AFF3: variants seen among roughly 807,000 people sequenced by gnomAD.
AFF3 encodes the protein ALF transcription elongation factor 3.
A neutral mutation model predicts 129.7 loss-of-function variants in AFF3; 32 were observed. The observed-to-expected ratio is 0.25, with a 90% CI of 0.19 to 0.33. AFF3 has a LOEUF of 0.33. AFF3 is among the 10% of genes least tolerant of loss of function. The pLI is 1.00. For missense variants in AFF3, 1,373 were observed against 1,592.0 expected (o/e 0.86, Z 2.34); for synonymous variants, 644 against 635.4 (o/e 1.01, Z -0.20).
intron 19 of AFF3, 39 bp downstream of exon 19, chr2:99,568,813 T>A (rs748394423): frequency 2.8e-5 from 45 of 1,594,124 alleles, no homozygotes; most frequent in Non-Finnish European, 3.7e-5. Context: ...AGTACACACA[T>A]AATTTGGAAG....
intron 12 of AFF3, among the ~76,000 whole-genome samples, chr2:99,668,192 G>A (rs1324407068): frequency 2.6e-5 from 4 of 151,784 alleles, no homozygotes; most frequent in African/African-American, 9.7e-5. Flanking sequence ...TTTTCTCCCC[G>A]AGATGGAGTC....
intron 7 of AFF3, among the ~76,000 whole-genome samples, chr2:99,889,853 T>G (rs947936211): frequency 1.3e-5 from 2 of 151,968 alleles, no homozygotes; most frequent in Non-Finnish European, 2.9e-5. Flanking sequence ...AGAGATGGGG[T>G]TTCTCCATGT....
At chr2:99,652,195 G>A (rs905748106) in intron 12 of AFF3, among the ~76,000 whole-genome samples, 3 of 152,174 alleles carry the variant, frequency 2.0e-5, no homozygotes, top group Non-Finnish European at 2.9e-5. Context: ...ATGTGGTCAG[G>A]AGAGAGAAGG....
chr2:99,612,752 G>A (rs6722898), intron 13 of AFF3, among the ~76,000 whole-genome samples: 82,759 of 152,052 alleles, frequency 0.54, 22,754 homozygotes, highest in African/African-American at 0.62. Context: ...GCTGGTGCAC[G>A]GCACACCTGT....
At chr2:99,721,289 C>T (rs192093944) in intron 11 of AFF3, among the ~76,000 whole-genome samples, 56 of 152,138 alleles carry the variant, frequency 3.7e-4, no homozygotes, top group Admixed American at 3.1e-3. Flanking sequence ...CCAGCACTTT[C>T]GGAGGCCAAG....
intron 7 of AFF3, among the ~76,000 whole-genome samples, chr2:99,902,348 C>T (rs900573390): frequency 1.3e-5 from 2 of 151,926 alleles, no homozygotes; most frequent in Non-Finnish European, 2.9e-5. Flanking sequence ...AACCAATGAG[C>T]GATAAACTCT....
intron 13 of AFF3, among the ~76,000 whole-genome samples, chr2:99,602,432 T>C (rs1679928083): frequency 6.6e-6 from 1 of 152,172 alleles, no homozygotes; most frequent in Non-Finnish European, 1.5e-5. Flanking sequence ...TACTCAAAGA[T>C]AACAAGAAAA....
chr2:100,066,251 G>A (rs993213689), intron 4 of AFF3, among the ~76,000 whole-genome samples: 1 of 152,134 alleles, frequency 6.6e-6, no homozygotes, highest in Non-Finnish European at 1.5e-5. Flanking sequence ...TGTTTACTTT[G>A]GAGCTGAATT....
At chr2:99,777,212 T>TTCC (rs897924831) in intron 8 of AFF3, among the ~76,000 whole-genome samples, 7 of 152,038 alleles carry the variant, frequency 4.6e-5, no homozygotes, top group African/African-American at 1.7e-4. Context: ...CCACGCTGAG[T>TTCC]TCCTACCCAG....
chr2:99,945,621 C>T (rs994502570), intron 7 of AFF3, among the ~76,000 whole-genome samples: 4 of 152,202 alleles, frequency 2.6e-5, no homozygotes, highest in African/African-American at 4.8e-5. Context: ...AACTCTCCAT[C>T]GGCCTCACCC....
intron 13 of AFF3, among the ~76,000 whole-genome samples, chr2:99,640,507 G>A (rs1038276236): frequency 5.3e-5 from 8 of 152,112 alleles, no homozygotes; most frequent in African/African-American, 1.7e-4. Context: ...ATGTGTAAAT[G>A]CTTTGCCCAA....
Position 99,649,614 on chromosome 2 carries a change from G to A in AFF3, c.1184+12C>T. 1 of 1,613,390 alleles carries A rather than the reference G, an allele frequency of 6.2e-7. No homozygotes were observed. The highest frequency in any genetic ancestry group is 1.1e-5 in the South Asian group (1 of 90,822). On this transcript the variant is annotated intron_variant, in intron 13 of 24. Transcript: ENST00000672756. The stretch of plus-strand genomic sequence containing the variant: ...AAAGCAATTTATAGTTCATAAAAAT[G>A]ACAAAATGTACCTGTCAGAGAGAGC...
chr2:99,669,378 A>G (rs540683603), intron 12 of AFF3, among the ~76,000 whole-genome samples: 1 of 152,370 alleles, frequency 6.6e-6, no homozygotes, highest in South Asian at 2.1e-4. Context: ...AATAGGATAC[A>G]GCAATGAAAA....
At chr2:99,972,763 G>A (rs1201066991) in intron 7 of AFF3, among the ~76,000 whole-genome samples, 2 of 152,200 alleles carry the variant, frequency 1.3e-5, no homozygotes, top group Admixed American at 6.5e-5. Context: ...CTGTAGAGTG[G>A]TCGGGAACTT....
chr2:100,130,217 T>C (rs1030916947), intron 1 of AFF3, among the ~76,000 whole-genome samples: 1 of 152,108 alleles, frequency 6.6e-6, no homozygotes, highest in African/African-American at 2.4e-5. Context: ...ATACATTCAG[T>C]GTTAGTGCAA....
chr2:99,713,719 A>G (rs1678124724), intron 11 of AFF3, among the ~76,000 whole-genome samples: 1 of 150,238 alleles, frequency 6.7e-6, no homozygotes, highest in Admixed American at 6.6e-5. Flanking sequence ...TTTTTTCTAG[A>G]GAGAGTCTTG....
intron 15 of AFF3, among the ~76,000 whole-genome samples, chr2:99,592,939 C>CT (rs1411415405): frequency 1.7e-4 from 16 of 94,528 alleles, no homozygotes; most frequent in South Asian, 4.4e-4. Flanking sequence ...CCCTCCCCCC[C>CT]CCCCAAAAAA....
chr2:99,734,140 A>G (rs966571761), intron 10 of AFF3, among the ~76,000 whole-genome samples: 2 of 152,338 alleles, frequency 1.3e-5, no homozygotes, highest in South Asian at 4.1e-4. Flanking sequence ...AGGTCTTAAC[A>G]CATCTCTTGA....
chr2:99,775,561 A>G (rs1320330244), intron 8 of AFF3, among the ~76,000 whole-genome samples: 1 of 152,126 alleles, frequency 6.6e-6, no homozygotes, highest in Non-Finnish European at 1.5e-5. Context: ...GTCAGAGGGC[A>G]GGAGGAGGTA....
Sources: allele counts gnomAD v4.1 joint callset (sites outside exome capture counted in the v4.1 genomes callset), GRCh38; gene constraint gnomAD v4.1.1; transcripts MANE v1.5; gene names NCBI Gene and HGNC (gene_info 2026-07-23, HGNC 2026-07-21).